The following TBX15 variants were observed in gnomAD, a reference collection of about 807,000 sequenced individuals.
TBX15 encodes T-box transcription factor TBX15.
Under a neutral mutation model 53.9 loss-of-function variants are expected in TBX15, and 18 were observed. The observed-to-expected ratio is 0.33, with a 90% CI of 0.23 to 0.49. The LOEUF (loss-of-function observed/expected upper bound fraction) is 0.49. Among genes scored for constraint, TBX15 ranks in the 20% least tolerant of loss-of-function variants. The pLI is 0.98. For missense variants in TBX15, 692 were observed against 749.5 expected (o/e 0.92, Z 0.90); for synonymous variants, 295 against 278.0 (o/e 1.06, Z -0.61).
chr1:118,950,186 G>A (rs1346796958), intron 1 of TBX15, among the ~76,000 whole-genome samples: 1 of 152,198 alleles, frequency 6.6e-6, no homozygotes, highest in Non-Finnish European at 1.5e-5. Context: ...AGTGGCAGAA[G>A]GAACCCCCTC....
chr1:118,946,760 T>C (rs546871130), intron 1 of TBX15, among the ~76,000 whole-genome samples: 2 of 152,334 alleles, frequency 1.3e-5, no homozygotes, highest in Admixed American at 1.3e-4. Context: ...TAACCACACA[T>C]ACACATATAT....
chr1:118,959,950 T>C (rs1192893123), intron 1 of TBX15, among the ~76,000 whole-genome samples: 1 of 152,056 alleles, frequency 6.6e-6, no homozygotes, highest in African/African-American at 2.4e-5. Context: ...TGAAACCATC[T>C]TCTCTGAATC....
intron 2 of TBX15, among the ~76,000 whole-genome samples, chr1:118,931,006 T>C (rs905630322): frequency 6.6e-6 from 1 of 152,220 alleles, no homozygotes; most frequent in Non-Finnish European, 1.5e-5. Flanking sequence ...CTATGGAAAG[T>C]TGAAACATAC....
intron 1 of TBX15, among the ~76,000 whole-genome samples, chr1:118,967,677 C>G (rs912592978): frequency 6.6e-6 from 1 of 152,168 alleles, no homozygotes; most frequent in Admixed American, 6.5e-5. Flanking sequence ...GTGTTTTATT[C>G]GATTTGGTGT....
intron 1 of TBX15, among the ~76,000 whole-genome samples, chr1:118,986,957 T>C (rs1289299639): frequency 1.3e-5 from 2 of 152,208 alleles, no homozygotes; most frequent in Non-Finnish European, 2.9e-5. Context: ...TGGGTTACTG[T>C]AGGATCTGAG....
At chr1:118,904,106 A>C (rs889801266) in intron 6 of TBX15, among the ~76,000 whole-genome samples, 6 of 152,166 alleles carry the variant, frequency 3.9e-5, no homozygotes, top group African/African-American at 1.4e-4. Context: ...ACTGGAGCCT[A>C]GGGTACAGAA....
chr1:118,906,354 A>G (rs901950788), intron 6 of TBX15, among the ~76,000 whole-genome samples: 17 of 152,114 alleles, frequency 1.1e-4, no homozygotes, highest in African/African-American at 4.1e-4. Flanking sequence ...TCCCACCCCC[A>G]ATGACAAGTT....
rs754919391 is a variant in TBX15, at chr1:118,926,366, G to T, written c.521+144C>A. 10 of 768,664 alleles carry T rather than the reference G, an allele frequency of 1.3e-5. No individual in the cohort carries two copies. The East Asian group carries it at 2.5e-4, about 19-fold the overall frequency. 47.6% of individuals were successfully genotyped at this position (768,664 alleles called of 1,614,324 possible). A position where few individuals can be genotyped will look rare whatever the true frequency, so the allele number is the denominator to read the frequency against. ...AAAGTTAACACTTTTTCCACCTGGT[G>T]CTCTGCCACAGGCCATTGACATAGT... On this transcript the variant is annotated intron_variant, in intron 3 of 7. Coordinates refer to ENST00000369429, the MANE Select transcript of TBX15 (RefSeq NM_001330677.2).
chr1:118,923,693 T>C, intron 4 of TBX15, 90 bp from the exon 5 acceptor site: 1 of 1,491,288 alleles, frequency 6.7e-7, no homozygotes. Context: ...GTTGAAGCAC[T>C]ATAGGAAAAG....
At chr1:118,913,770 A>G (rs1177245429) in intron 6 of TBX15, among the ~76,000 whole-genome samples, 3 of 152,216 alleles carry the variant, frequency 2.0e-5, no homozygotes, top group Admixed American at 6.5e-5. Flanking sequence ...GGAATGAGAA[A>G]TATATGAGAT....
chr1:118,976,079 T>TA (rs1252370619), intron 1 of TBX15, among the ~76,000 whole-genome samples: 2 of 152,228 alleles, frequency 1.3e-5, no homozygotes, highest in Non-Finnish European at 2.9e-5. Flanking sequence ...ACAAAAATTT[T>TA]AAAAAAGTAG....
In TBX15 at chr1:118,982,554, C is replaced by T. The variant is rs77873277; in HGVS notation, c.205+5037G>A. Among the ~76,000 whole-genome samples, 1,509 of 152,304 alleles carry T rather than the reference C, an allele frequency of 9.9e-3. 22 individuals carry two copies. The highest frequency in any genetic ancestry group is 0.035 in the African/African-American group (1,458 of 41,552). On this transcript the variant is annotated intron_variant, in intron 1 of 7. Transcript: ENST00000369429. ...TTTCCATGTTTACACTCATGAAGCACATTATACAGATAAATGGGGAACACA... is the reference window on the plus strand; with the variant it reads ...TTTCCATGTTTACACTCATGAAGCATATTATACAGATAAATGGGGAACACA...
chr1:118,893,305 GGAAGGAAGGA>G (rs1654226282), intron 7 of TBX15, among the ~76,000 whole-genome samples: 1 of 111,878 alleles, frequency 8.9e-6, no homozygotes, highest in African/African-American at 4.0e-5. Context: ...AAGGAAGGAA[GGAAGGAAGGA>G]AAGAAAGAAA....
Position 118,884,587 on chromosome 1 carries a change from G to T in TBX15, c.*145C>A. The T allele has an allele frequency of 1.0e-6, 1 of 974,042 alleles. No homozygotes were observed. The highest frequency in any genetic ancestry group is 1.5e-6 in the Non-Finnish European group (1 of 672,286). 60.3% of individuals were successfully genotyped at this position (974,042 alleles called of 1,614,324 possible). A position where few individuals can be genotyped will look rare whatever the true frequency, so the allele number is the denominator to read the frequency against. On this transcript the variant is annotated 3_prime_UTR_variant, in exon 8 of 8. Transcript: ENST00000369429. ...GGCTTAAAGGTATCTCTTGTTCTTG[G>T]GTATATGTCTTCGGCCAGAAAAAAA... is the stretch of plus-strand genomic sequence containing the variant.
At chr1:118,982,119 C>A (rs1355442352) in intron 1 of TBX15, among the ~76,000 whole-genome samples, 1 of 152,160 alleles carries the variant, frequency 6.6e-6, no homozygotes, top group Non-Finnish European at 1.5e-5. Flanking sequence ...GAATAATAAT[C>A]GAATGGAGTC....
chr1:118,965,719 A>G (rs747097499), intron 1 of TBX15, among the ~76,000 whole-genome samples: 8 of 152,244 alleles, frequency 5.3e-5, no homozygotes, highest in Non-Finnish European at 1.2e-4. Flanking sequence ...ACACGATGGA[A>G]TTCTATGAGA....
chr1:118,950,157 T>C (rs971084158), intron 1 of TBX15, among the ~76,000 whole-genome samples: 4 of 152,112 alleles, frequency 2.6e-5, no homozygotes, highest in South Asian at 2.1e-4. Context: ...AAGGAAGAAA[T>C]TGTAAAAGAC....
intron 1 of TBX15, among the ~76,000 whole-genome samples, chr1:118,950,404 G>A (rs1410453073): frequency 6.6e-6 from 1 of 152,204 alleles, no homozygotes; most frequent in Non-Finnish European, 1.5e-5. Context: ...GACATAAAGA[G>A]GAGCTCTTTC....
intron 5 of TBX15, 48 bp from the exon 6 acceptor site, chr1:118,914,227 CTTTCT>C: frequency 6.5e-7 from 1 of 1,537,310 alleles, no homozygotes; most frequent in African/African-American, 1.4e-5. Context: ...TAACTGATTT[CTTTCT>C]TAGTACTCCT....
Sources: gnomAD v4.1 joint callset for allele counts (sites outside exome capture counted in the v4.1 genomes callset) on GRCh38, gnomAD v4.1.1 for gene constraint, MANE v1.5 for transcripts, NCBI Gene and HGNC (gene_info 2026-07-23, HGNC 2026-07-21) for gene names.